NUP210L: variants seen among roughly 807,000 people sequenced by gnomAD.
The protein encoded by NUP210L is nucleoporin 210 like.
In NUP210L, 74 loss-of-function variants were observed where a neutral mutation model predicts 208.5. The ratio of observed to expected loss-of-function variants is 0.35; its 90% CI spans 0.29 to 0.43. The LOEUF is 0.43. Among genes scored for constraint, NUP210L ranks in the 20% least tolerant of loss-of-function variants. The pLI, the probability that NUP210L is intolerant of heterozygous loss-of-function variation, is 1.00. For synonymous variants in NUP210L, 780 were observed against 816.9 expected, an observed-to-expected ratio of 0.95 and a Z score of 0.77; for missense variants, 1,843 against 2,289.4, an observed-to-expected ratio of 0.81 and a Z score of 3.98.
intron 7 of NUP210L, among the ~76,000 whole-genome samples, chr1:154,132,037 T>C (rs545564498): frequency 1.2e-4 from 18 of 152,310 alleles, no homozygotes; most frequent in African/African-American, 3.8e-4. Flanking sequence ...CTCAAACTCC[T>C]GACCAGTGAT....
chr1:153,993,007 T>A lies in NUP210L; in HGVS notation c.5566+8A>T. 1 of 1,612,400 alleles carries A rather than the reference T, an allele frequency of 6.2e-7. No individual in the cohort carries two copies. The highest frequency in any genetic ancestry group is 8.5e-7 in the Non-Finnish European group (1 of 1,179,050). ...GCTTTTCAAAGATGAGGACAGAGGCTTTTTTACCTGGCTGTGGTGTTCCTA... is the reference window on the plus strand; with the variant it reads ...GCTTTTCAAAGATGAGGACAGAGGCATTTTTACCTGGCTGTGGTGTTCCTA... On this transcript the variant is annotated splice_region_variant and intron_variant, in intron 39 of 39. Coordinates refer to ENST00000368559, the Ensembl canonical transcript of NUP210L.
rs549644854 is a variant in NUP210L, at chr1:154,112,237, A to AT, written c.1620+5487dup. ...CCACTGCACCTGGCCTCAACAACAC[A>AT]TTTTTTTTAAAAATCATTAATGGCC... On this transcript the variant is annotated intron_variant, in intron 12 of 39. Coordinates refer to ENST00000368559, the Ensembl canonical transcript of NUP210L. 2.3e-4 allele frequency among the ~76,000 whole-genome samples: 35 copies of AT among 151,948 alleles called. No homozygotes were observed. In the South Asian group the frequency reaches 2.9e-3, roughly 13 times the overall value.
chr1:154,150,813 A>C (rs1659347014), intron 2 of NUP210L, among the ~76,000 whole-genome samples: 1 of 152,104 alleles, frequency 6.6e-6, no homozygotes, highest in Admixed American at 6.5e-5. Flanking sequence ...AAAGTAGGCA[A>C]CTCAATAAAT....
chr1:154,055,156 TTTC>T (rs1252262722), intron 23 of NUP210L, among the ~76,000 whole-genome samples: 6 of 113,870 alleles, frequency 5.3e-5, no homozygotes, highest in Admixed American at 1.9e-4. Flanking sequence ...TCTTTCTTTC[TTTC>T]TTTCTTTCTT....
chr1:154,151,437 T>C (rs968738773), intron 2 of NUP210L, among the ~76,000 whole-genome samples: 2 of 151,448 alleles, frequency 1.3e-5, no homozygotes, highest in South Asian at 4.2e-4. Flanking sequence ...AGAGGGCCAG[T>C]AACAAAATTT....
chr1:154,072,976 A>G (rs191498053), intron 16 of NUP210L, among the ~76,000 whole-genome samples: 105 of 152,344 alleles, frequency 6.9e-4, no homozygotes, highest in African/African-American at 2.5e-3. Flanking sequence ...TCAGTAGAGT[A>G]AACAGACAAC....
intron 6 of NUP210L, among the ~76,000 whole-genome samples, chr1:154,137,387 C>T (rs1283091622): frequency 6.6e-6 from 1 of 151,942 alleles, no homozygotes; most frequent in East Asian, 1.9e-4. Flanking sequence ...CCCGTCTCTA[C>T]TAAAAATACA....
intron 9 of NUP210L, 147 bp from the exon 10 acceptor site, chr1:154,126,610 T>A: frequency 1.8e-6 from 1 of 565,568 alleles, no homozygotes; most frequent in Non-Finnish European, 2.9e-6. Context: ...TCATAGAAAT[T>A]AAAAGTTGGG....
At chr1:154,021,413 G>A (rs540250156) in intron 32 of NUP210L, among the ~76,000 whole-genome samples, 2 of 152,022 alleles carry the variant, frequency 1.3e-5, no homozygotes, top group East Asian at 3.9e-4. Flanking sequence ...CTTGAACCCA[G>A]GAGTCAGAGG....
In NUP210L at chr1:154,127,301, A is replaced by G; in HGVS notation, c.1185+10T>C. 7.2e-7 allele frequency: 1 copy of G among 1,383,042 alleles called. No individual in the cohort carries two copies. The highest frequency in any genetic ancestry group is 1.0e-6 in the Non-Finnish European group (1 of 977,660). The allele number at this position is 1,383,042 out of a possible 1,614,324, so 85.7% of individuals were successfully genotyped here. A position where few individuals can be genotyped will look rare whatever the true frequency, so the allele number is the denominator to read the frequency against. Reference sequence around the variant, plus strand: ...CAAGGAGCTCAGAAAAATAAAAAAGACTGACTCACATCTGAAATATAGACC... The same window carrying G: ...CAAGGAGCTCAGAAAAATAAAAAAGGCTGACTCACATCTGAAATATAGACC... On this transcript the variant is annotated intron_variant, in intron 9 of 39. Transcript: ENST00000368559.
At chr1:154,010,692 G>T (rs1034683458) in intron 34 of NUP210L, among the ~76,000 whole-genome samples, 3 of 151,910 alleles carry the variant, frequency 2.0e-5, no homozygotes, top group African/African-American at 7.3e-5. Flanking sequence ...CCAACATGGA[G>T]AAACCCCGTC....
At position 153,995,182 on chromosome 1, in the gene NUP210L, T is replaced by C; in HGVS notation, c.5387-2A>G. ...GGATGGCGGAATCTTCACAGTGATC[T>C]ATACATTGGCCATAACAAAACAAGA... On this transcript the variant is annotated splice_acceptor_variant, in intron 37 of 39. Transcript: ENST00000368559. LOFTEE classifies it high-confidence loss of function. 6.2e-7 allele frequency: 1 copy of C among 1,603,338 alleles called. No individual in the cohort carries two copies. Among genetic ancestry groups the C allele is most frequent in the East Asian group, 2.2e-5 (1 of 44,834 alleles).
chr1:154,047,424 C>A (rs540011170), intron 25 of NUP210L, among the ~76,000 whole-genome samples: 1 of 152,286 alleles, frequency 6.6e-6, no homozygotes, highest in East Asian at 1.9e-4. Context: ...TAAACAAAAT[C>A]TCTGCAGCAC....
chr1:154,125,806 C>T (rs1337175144), intron 10 of NUP210L, among the ~76,000 whole-genome samples: 1 of 108,024 alleles, frequency 9.3e-6, no homozygotes, highest in Non-Finnish European at 1.8e-5. Context: ...CTCGCTCTGT[C>T]GCCCAGGCTG....
intron 25 of NUP210L, among the ~76,000 whole-genome samples, chr1:154,047,784 C>CTG (rs768565297): frequency 6.6e-6 from 1 of 152,134 alleles, no homozygotes; most frequent in African/African-American, 2.4e-5. Flanking sequence ...CTCTATATTT[C>CTG]TGTGTGTGTG....
In NUP210L at chr1:154,111,950, T is replaced by C. The variant is rs146178571; in HGVS notation, c.1620+5775A>G. 3.6e-4 allele frequency among the ~76,000 whole-genome samples: 54 copies of C among 151,564 alleles called. 1 individual carries two copies. In the East Asian group the frequency reaches 0.01, roughly 28 times the overall value. The stretch of plus-strand genomic sequence containing the variant: ...TTTTGTTTTGTTTTGTTTTTTCAGA[T>C]GGAGTCTCACTCTGTTGCCCAGGCT... On this transcript the variant is annotated intron_variant, in intron 12 of 39. Transcript: ENST00000368559.
chr1:154,047,711 G>A (rs1332457485), intron 25 of NUP210L, among the ~76,000 whole-genome samples: 2 of 152,148 alleles, frequency 1.3e-5, no homozygotes, highest in Non-Finnish European at 2.9e-5. Flanking sequence ...AAATATGTGG[G>A]TAAATCTCTG....
intron 6 of NUP210L, among the ~76,000 whole-genome samples, 200 bp from the exon 7 acceptor site, chr1:154,136,172 G>T (rs1418803117): frequency 6.6e-6 from 1 of 152,202 alleles, no homozygotes; most frequent in Non-Finnish European, 1.5e-5. Flanking sequence ...ATTGCTGGAG[G>T]CTGGGTGTGG....
At chr1:154,149,390 A>G (rs1659276743) in intron 2 of NUP210L, among the ~76,000 whole-genome samples, 1 of 152,044 alleles carries the variant, frequency 6.6e-6, no homozygotes, top group African/African-American at 2.4e-5. Context: ...CCAGCCTAGA[A>G]AACTTTTCAA....
Sources: gnomAD v4.1 joint callset for allele counts (sites outside exome capture counted in the v4.1 genomes callset) on GRCh38, gnomAD v4.1.1 for gene constraint, MANE v1.5 for transcripts, NCBI Gene and HGNC (gene_info 2026-07-23, HGNC 2026-07-21) for gene names.